Variants in SLC22A24 observed in about 807,000 individuals in gnomAD.
The protein encoded by SLC22A24 is solute carrier family 22 member 24, also known as steroid transmembrane transporter SLC22A24.
A neutral mutation model predicts 49.8 loss-of-function variants in SLC22A24; 53 were observed. That is an observed-to-expected ratio of 1.06 (90% CI 0.85 to 1.34). The LOEUF (loss-of-function observed/expected upper bound fraction) is 1.34. Among genes scored for constraint, SLC22A24 ranks in the 40% most tolerant of loss-of-function variants. SLC22A24 has a pLI of 0.00. For synonymous variants in SLC22A24, 302 were observed against 256.4 expected (o/e 1.18, Z -1.70); for missense variants, 786 against 675.9 (o/e 1.16, Z -1.81).
At chr11:63,094,807 C>T (rs2087042973) in intron 6 of SLC22A24, among the ~76,000 whole-genome samples, 1 of 152,168 alleles carries the variant, frequency 6.6e-6, no homozygotes, top group African/African-American at 2.4e-5. Context: ...TCATATCCTT[C>T]ACCCACTTTT....
Position 63,096,014 on chromosome 11 carries a change from T to A in SLC22A24, c.1047A>T (p.Arg349Ser). Residue 349 changes from arginine (R) to serine (S), a missense_variant, in exon 6 of 10, where the codon AGA becomes AGT. Transcript: ENST00000612278. ...ACCTCACAAAGCACAGGCCGAAGAC[T>A]CTCATTCGCAATTTGGGTGCACGGA... is the stretch of plus-strand genomic sequence containing the variant. Reference protein sequence around the residue: ...SLFRAPKLRMRVFGLCFVRFA... With the variant: ...SLFRAPKLRMSVFGLCFVRFA... 1.3e-6 allele frequency: 2 copies of A among 1,550,576 alleles called. No homozygotes were observed. Among genetic ancestry groups the A allele is most frequent in the Non-Finnish European group, 1.7e-6 (2 of 1,146,140 alleles).
intron 6 of SLC22A24, among the ~76,000 whole-genome samples, chr11:63,094,819 A>G (rs932844115): frequency 1.1e-4 from 16 of 151,838 alleles, no homozygotes; most frequent in East Asian, 3.9e-4. Flanking sequence ...CCCACTTTTT[A>G]ATGGGGTTGT....
At chr11:63,128,378 G>C (rs1464850082) in intron 2 of SLC22A24, among the ~76,000 whole-genome samples, 2 of 152,084 alleles carry the variant, frequency 1.3e-5, no homozygotes, top group Non-Finnish European at 2.9e-5. Flanking sequence ...CCTAGGAAAA[G>C]CACCCGCTAC....
At position 63,113,055 on chromosome 11, in the gene SLC22A24, CATATATATATAT is replaced by C. The variant is rs1289188803; in HGVS notation, c.830+5845_830+5856del. 3.7e-3 allele frequency among the ~76,000 whole-genome samples: 11 copies of C among 2,990 alleles called. 2 individuals are homozygous for C. Among genetic ancestry groups the C allele is most frequent in the Non-Finnish European group, 0.018 (8 of 456 alleles). The allele number at this position is 2,990 out of a possible 152,430, so 2.0% of individuals were successfully genotyped here. A position where few individuals can be genotyped will look rare whatever the true frequency, so the allele number is the denominator to read the frequency against. Reference sequence around the variant, plus strand: ...AAAAAAATATATATATATATATATACATATATATATATACATATATATACACATATATATACA... The same window carrying C: ...AAAAAAATATATATATATATATATACACATATATATACACATATATATACA... On this transcript the variant is annotated intron_variant, in intron 4 of 9. Coordinates refer to ENST00000612278, the MANE Select transcript of SLC22A24 (RefSeq NM_001136506.2).
intron 2 of SLC22A24, among the ~76,000 whole-genome samples, chr11:63,126,694 A>G (rs1352195924): frequency 7.9e-5 from 12 of 152,196 alleles, no homozygotes; most frequent in East Asian, 3.9e-4. Flanking sequence ...AATTCTGTGA[A>G]GAAAGTCAGT....
chr11:63,123,572 A>C (rs1162857642), intron 2 of SLC22A24, among the ~76,000 whole-genome samples: 3 of 152,232 alleles, frequency 2.0e-5, no homozygotes, highest in Non-Finnish European at 4.4e-5. Flanking sequence ...ACTCCGACCC[A>C]GAAAGTCCAA....
chr11:63,116,439 A>G (rs2087213874), intron 4 of SLC22A24: 1 of 158,214 alleles, frequency 6.3e-6, no homozygotes, highest in African/African-American at 2.4e-5. Context: ...TGCCTTGCAG[A>G]CTCTGTTTTC....
chr11:63,142,626 C>G (rs771490731), intron 1 of SLC22A24, among the ~76,000 whole-genome samples: 1 of 152,130 alleles, frequency 6.6e-6, no homozygotes, highest in Non-Finnish European at 1.5e-5. Context: ...TCTGACCCTC[C>G]CTAAACTGCT....
chr11:63,137,928 G>C (rs1297753402), intron 1 of SLC22A24: 1 of 152,112 alleles, frequency 6.6e-6, no homozygotes, highest in East Asian at 1.9e-4. Flanking sequence ...GTCTTTCTCT[G>C]TCTTGGTAAA....
chr11:63,108,288 T>G (rs987672917), intron 4 of SLC22A24, among the ~76,000 whole-genome samples: 7 of 151,638 alleles, frequency 4.6e-5, no homozygotes, highest in Non-Finnish European at 8.8e-5. Flanking sequence ...TGAAGCCGAC[T>G]TGATCGTGGT....
intron 4 of SLC22A24, among the ~76,000 whole-genome samples, chr11:63,105,860 A>G (rs997855594): frequency 2.0e-4 from 30 of 152,126 alleles, no homozygotes; most frequent in African/African-American, 6.7e-4. Context: ...CTTTTCTATC[A>G]CATCATCAGG....
intron 4 of SLC22A24, among the ~76,000 whole-genome samples, chr11:63,108,950 C>T (rs2087142027): frequency 7.0e-6 from 1 of 143,398 alleles, no homozygotes; most frequent in African/African-American, 2.5e-5. Context: ...CACCCACTAA[C>T]TCGTCATCTA....
chr11:63,109,623 C>T (rs1238625350), intron 4 of SLC22A24, among the ~76,000 whole-genome samples: 2 of 151,040 alleles, frequency 1.3e-5, no homozygotes, highest in Non-Finnish European at 3.0e-5. Flanking sequence ...TTTCATGTGT[C>T]TTTTGGCTGC....
At chr11:63,091,325 TAC>T (rs202187460) in intron 6 of SLC22A24, among the ~76,000 whole-genome samples, 5,912 of 151,958 alleles carry the variant, frequency 0.039, 164 homozygotes, top group Non-Finnish European at 0.063. Context: ...CTACCAGAGG[TAC>T]AAAGAGGAGC....
intron 1 of SLC22A24, among the ~76,000 whole-genome samples, chr11:63,137,488 C>T (rs1049049994): frequency 1.3e-5 from 2 of 152,148 alleles, no homozygotes; most frequent in Non-Finnish European, 2.9e-5. Flanking sequence ...TGCTCTTTGC[C>T]TTGCCCAGAG....
intron 4 of SLC22A24, among the ~76,000 whole-genome samples, chr11:63,113,036 ATATAT>A (rs2087179768): frequency 6.5e-4 from 3 of 4,644 alleles, no homozygotes; most frequent in African/African-American, 9.0e-4. Flanking sequence ...AAAAAAAAAA[ATATAT>A]ATATATATAT....
chr11:63,125,532 T>C (rs531145903), intron 2 of SLC22A24, among the ~76,000 whole-genome samples: 15 of 152,172 alleles, frequency 9.9e-5, no homozygotes, highest in Admixed American at 2.6e-4. Flanking sequence ...GTATATGTGC[T>C]ACATTTTCTT....
At chr11:63,097,200 G>A (rs1220719952) in intron 5 of SLC22A24, among the ~76,000 whole-genome samples, 1 of 146,482 alleles carries the variant, frequency 6.8e-6, no homozygotes, top group Non-Finnish European at 1.5e-5. Context: ...CTAATATCCA[G>A]AATCTACAAG....
intron 2 of SLC22A24, among the ~76,000 whole-genome samples, chr11:63,130,577 G>C (rs147545538): frequency 0.015 from 2,339 of 152,296 alleles, 27 homozygotes; most frequent in Middle Eastern, 0.054. Context: ...ACCTATGGCA[G>C]AATTCGGCTG....
Sources: allele counts gnomAD v4.1 joint callset (sites outside exome capture counted in the v4.1 genomes callset), GRCh38; gene constraint gnomAD v4.1.1; transcripts MANE v1.5; gene names NCBI Gene and HGNC (gene_info 2026-07-23, HGNC 2026-07-21).